The following TTC7A variants were observed in gnomAD, a reference collection of about 807,000 sequenced individuals.
TTC7A encodes the protein tetratricopeptide repeat domain 7A.
TTC7A carries 110 observed loss-of-function variants against 103.7 expected under a neutral mutation model. That is an observed-to-expected ratio of 1.06 (90% CI 0.91 to 1.24). The LOEUF (loss-of-function observed/expected upper bound fraction) is 1.24. Ranked by LOEUF, TTC7A falls within the 50% of genes most tolerant of loss-of-function variation. TTC7A has a pLI of 0.00. For synonymous variants in TTC7A, 521 were observed against 467.9 expected, an observed-to-expected ratio of 1.11 and a Z score of -1.47; for missense variants, 1,340 against 1,116.3, an observed-to-expected ratio of 1.20 and a Z score of -2.86.
intron 18 of TTC7A, among the ~76,000 whole-genome samples, chr2:47,053,156 G>A (rs541247359): frequency 6.6e-6 from 1 of 152,046 alleles, no homozygotes; most frequent in Non-Finnish European, 1.5e-5. Flanking sequence ...GCATCTCGGG[G>A]TCCCTTCGGA....
chr2:47,026,712 C>T (rs181942170), intron 14 of TTC7A, among the ~76,000 whole-genome samples: 6 of 152,304 alleles, frequency 3.9e-5, no homozygotes, highest in Admixed American at 1.3e-4. Context: ...AAGAGGGAAA[C>T]GCACACTTTA....
At chr2:46,990,029 C>G (rs1418557809) in intron 5 of TTC7A, among the ~76,000 whole-genome samples, 1 of 152,194 alleles carries the variant, frequency 6.6e-6, no homozygotes, top group East Asian at 1.9e-4. Context: ...GCTTTGGCCT[C>G]TTGGTAGCAG....
At chr2:46,980,198 C>T (rs1400085749) in intron 5 of TTC7A, among the ~76,000 whole-genome samples, 1 of 146,572 alleles carries the variant, frequency 6.8e-6, no homozygotes, top group African/African-American at 2.5e-5. Flanking sequence ...CTGTTTTCTT[C>T]TACCCTATAC....
chr2:47,054,055 C>T (rs1573044241), intron 18 of TTC7A: 1 of 950,488 alleles, frequency 1.1e-6, no homozygotes, highest in East Asian at 1.2e-4. Context: ...CAGTCATTTG[C>T]ACATGAGCCT....
chr2:47,050,733 C>T (rs754036388), intron 17 of TTC7A: 3 of 152,488 alleles, frequency 2.0e-5, no homozygotes, highest in Non-Finnish European at 4.4e-5. Flanking sequence ...TTTAGAGGCA[C>T]ATCTCAGGGG....
intron 5 of TTC7A, among the ~76,000 whole-genome samples, chr2:46,993,066 C>A (rs1675788494): frequency 2.0e-5 from 3 of 152,228 alleles, no homozygotes; most frequent in Admixed American, 2.0e-4. Context: ...AATCCAGCAT[C>A]AATCGGATAC....
intron 2 of TTC7A, among the ~76,000 whole-genome samples, chr2:46,930,603 G>A (rs756224463): frequency 7.3e-5 from 11 of 151,124 alleles, no homozygotes; most frequent in South Asian, 6.2e-4. Context: ...AGGTTCAAGC[G>A]ATTCTCCTGC....
chr2:46,966,790 C>CTT (rs34299761), intron 3 of TTC7A, among the ~76,000 whole-genome samples: 2 of 132,644 alleles, frequency 1.5e-5, no homozygotes, highest in Non-Finnish European at 3.2e-5. Context: ...CCACCCCCAG[C>CTT]TTTTTTTTTT....
chr2:46,925,505 C>G (rs957391793), intron 2 of TTC7A, among the ~76,000 whole-genome samples: 10 of 152,230 alleles, frequency 6.6e-5, no homozygotes, highest in Non-Finnish European at 1.3e-4. Context: ...TTGCAGTGAG[C>G]TGAGATTACA....
chr2:47,001,288 C>G (rs991790699), intron 8 of TTC7A, among the ~76,000 whole-genome samples: 3 of 152,134 alleles, frequency 2.0e-5, no homozygotes, highest in Non-Finnish European at 4.4e-5. Flanking sequence ...ACCAAAGGAT[C>G]AGGACTAGTC....
chr2:47,049,434 C>T (rs1482201959), intron 16 of TTC7A, among the ~76,000 whole-genome samples: 1 of 151,962 alleles, frequency 6.6e-6, no homozygotes, highest in Non-Finnish European at 1.5e-5. Context: ...AGGGGCTACC[C>T]CTGGAGATCT....
At position 46,994,058 on chromosome 2, in the gene TTC7A, G is replaced by C. The variant is rs6755001; in HGVS notation, c.844-299G>C. ...ACTGCAAGGTCCTGCTGAATACTCA[G>C]AGTGGGGCTGGGCTCCAAGGGGTCA... On this transcript the variant is annotated intron_variant, in intron 6 of 19. Transcript: ENST00000319190. 0.17 allele frequency among the ~76,000 whole-genome samples: 25,594 copies of C among 152,044 alleles called. 2,326 individuals carry two copies. The highest frequency in any genetic ancestry group is 0.19 in the Admixed American group (2,845 of 15,270).
At chr2:47,058,645 T>G (rs936017764) in intron 18 of TTC7A, among the ~76,000 whole-genome samples, 2 of 152,226 alleles carry the variant, frequency 1.3e-5, no homozygotes, top group Non-Finnish European at 2.9e-5. Context: ...CTCATCTGTG[T>G]CTTGATCCTT....
chr2:46,968,807 G>A (rs185717449), intron 3 of TTC7A, among the ~76,000 whole-genome samples: 149 of 152,172 alleles, frequency 9.8e-4, no homozygotes, highest in Non-Finnish European at 2.0e-3. Context: ...CATGAATTAG[G>A]CCAGTGTAAA....
chr2:47,063,946 CTT>C (rs1291543218), intron 19 of TTC7A, among the ~76,000 whole-genome samples: 1 of 152,230 alleles, frequency 6.6e-6, no homozygotes, highest in Non-Finnish European at 1.5e-5. Flanking sequence ...GAGTTGAAGA[CTT>C]TGCTCTTAGG....
intron 3 of TTC7A, among the ~76,000 whole-genome samples, chr2:46,961,604 T>TAAAA (rs377376375): frequency 6.9e-6 from 1 of 144,758 alleles, no homozygotes; most frequent in African/African-American, 2.6e-5. Flanking sequence ...AATAAATAAA[T>TAAAA]AAAATAAAAA....
chr2:46,965,825 A>G (rs1442392892), intron 3 of TTC7A, among the ~76,000 whole-genome samples: 1 of 152,058 alleles, frequency 6.6e-6, no homozygotes, highest in African/African-American at 2.4e-5. Flanking sequence ...AGCCTCCAGG[A>G]GTACTGGAGT....
chr2:47,073,448 T>C (rs1241673264), intron 19 of TTC7A, among the ~76,000 whole-genome samples: 1 of 152,170 alleles, frequency 6.6e-6, no homozygotes, highest in Non-Finnish European at 1.5e-5. Flanking sequence ...TGAAAGCCAG[T>C]TCCTCGGGAC....
chr2:46,958,502 C>G (rs1000562371), intron 3 of TTC7A: 1 of 1,304,174 alleles, frequency 7.7e-7, no homozygotes, highest in African/African-American at 1.5e-5. Context: ...CAGCATGCCT[C>G]CGGCTTCTTG....
Sources: gnomAD v4.1 joint callset for allele counts (sites outside exome capture counted in the v4.1 genomes callset) on GRCh38, gnomAD v4.1.1 for gene constraint, MANE v1.5 for transcripts, NCBI Gene and HGNC (gene_info 2026-07-23, HGNC 2026-07-21) for gene names.